The following TRDN variants were observed in gnomAD, a reference collection of about 807,000 sequenced individuals.
TRDN encodes triadin in skeletal muscle.
A neutral mutation model predicts 149.7 loss-of-function variants in TRDN; 161 were observed. That is an observed-to-expected ratio of 1.08 (90% CI 0.95 to 1.23). The LOEUF is 1.23. TRDN is among the 50% of genes most tolerant of loss of function. The pLI is 0.00. For synonymous variants in TRDN, 294 were observed against 250.5 expected (o/e 1.17, Z -1.64); for missense variants, 896 against 823.5 (o/e 1.09, Z -1.08).
At chr6:123,448,982 AG>A (rs1215348341) in intron 10 of TRDN, among the ~76,000 whole-genome samples, 6 of 152,106 alleles carry the variant, frequency 3.9e-5, no homozygotes, top group Non-Finnish European at 8.8e-5. Flanking sequence ...CAATCACTGC[AG>A]TTTGGCTCAC....
At chr6:123,596,823 G>GA (rs1047824428) in intron 1 of TRDN, among the ~76,000 whole-genome samples, 8 of 151,946 alleles carry the variant, frequency 5.3e-5, no homozygotes, top group South Asian at 2.1e-4. Context: ...CTATTACTCA[G>GA]AAAAAATATA....
chr6:123,420,379 C>A (rs1356955658), intron 12 of TRDN, among the ~76,000 whole-genome samples: 5 of 60,794 alleles, frequency 8.2e-5, no homozygotes, highest in African/African-American at 3.8e-4. Context: ...GGCAGAGATG[C>A]AAGGATTTTT....
intron 24 of TRDN, among the ~76,000 whole-genome samples, chr6:123,279,846 T>C (rs1777519608): frequency 6.6e-6 from 1 of 152,170 alleles, no homozygotes; most frequent in Non-Finnish European, 1.5e-5. Context: ...ATATTAATAC[T>C]GCCTTCTTTT....
At chr6:123,584,848 C>T (rs144534839) in intron 1 of TRDN, among the ~76,000 whole-genome samples, 1,794 of 152,120 alleles carry the variant, frequency 0.012, 26 homozygotes, top group African/African-American at 0.033. Flanking sequence ...TTTGGAACCA[C>T]GGGGTGGATA....
chr6:123,426,062 C>T lies in TRDN; in HGVS notation c.1051+12001G>A, dbSNP rs2114557175. ...TAGCAGGTGGGGAAGGCATACTGTG[C>T]ACCAGTGGAAGGATTTTTCATAGAA... On this transcript the variant is annotated intron_variant, in intron 12 of 40. Transcript: ENST00000334268. Among the ~76,000 whole-genome samples, 2 of 152,104 alleles carry T rather than the reference C, an allele frequency of 1.3e-5. 1 individual carries two copies. Among genetic ancestry groups the T allele is most frequent in the East Asian group, 3.9e-4 (2 of 5,162 alleles).
At chr6:123,263,186 G>A (rs972494116) in intron 33 of TRDN, among the ~76,000 whole-genome samples, 5 of 152,054 alleles carry the variant, frequency 3.3e-5, no homozygotes, top group Non-Finnish European at 4.4e-5. Context: ...TGCTAAGAAA[G>A]GGAAACAGCC....
intron 5 of TRDN, chr6:123,529,026 A>G (rs1269762895): frequency 1.5e-6 from 2 of 1,359,532 alleles, no homozygotes; most frequent in Non-Finnish European, 1.9e-6. Flanking sequence ...AGTTTAATAA[A>G]CCTACTCTAC....
At chr6:123,458,735 C>T (rs1157923070) in intron 10 of TRDN, among the ~76,000 whole-genome samples, 1 of 152,042 alleles carries the variant, frequency 6.6e-6, no homozygotes, top group Non-Finnish European at 1.5e-5. Context: ...TCTAAACAGC[C>T]TCAGATTCAT....
intron 4 of TRDN, among the ~76,000 whole-genome samples, chr6:123,534,285 A>G (rs1562370419): frequency 1.3e-5 from 2 of 152,182 alleles, no homozygotes; most frequent in Non-Finnish European, 2.9e-5. Context: ...ACACACACCT[A>G]CATTTATTTG....
chr6:123,571,522 G>T (rs1442719716), intron 1 of TRDN, among the ~76,000 whole-genome samples: 7 of 151,918 alleles, frequency 4.6e-5, no homozygotes, highest in African/African-American at 2.4e-5. Flanking sequence ...TTGTTTGTTT[G>T]TAGGGGCACA....
At chr6:123,331,852 G>A (rs1476046071) in intron 23 of TRDN, 27 bp downstream of exon 23, 3 of 1,462,514 alleles carry the variant, frequency 2.1e-6, no homozygotes, top group East Asian at 2.5e-5. Context: ...GATCAATGTG[G>A]CTTCACATTT....
At chr6:123,440,126 G>A (rs148554477) in intron 10 of TRDN, among the ~76,000 whole-genome samples, 26 of 152,188 alleles carry the variant, frequency 1.7e-4, no homozygotes, top group African/African-American at 6.0e-4. Context: ...CATTCCCATA[G>A]GTATAGAGCT....
At chr6:123,304,237 A>ATTTTC in intron 24 of TRDN, among the ~76,000 whole-genome samples, 2 of 141,574 alleles carry the variant, frequency 1.4e-5, no homozygotes, top group African/African-American at 2.6e-5. Context: ...ATGAATATTA[A>ATTTTC]TTTTCTTTTA....
At chr6:123,277,097 G>T (rs772696621) in intron 26 of TRDN, among the ~76,000 whole-genome samples, 2 of 152,190 alleles carry the variant, frequency 1.3e-5, no homozygotes, top group South Asian at 4.2e-4. Flanking sequence ...CATCCTATAC[G>T]TATCTCATCA....
chr6:123,473,766 C>G (rs112864125), intron 9 of TRDN, among the ~76,000 whole-genome samples: 1 of 151,906 alleles, frequency 6.6e-6, no homozygotes, highest in African/African-American at 2.4e-5. Context: ...CCCTACAAGC[C>G]AGAAGAGAGT....
intron 9 of TRDN, among the ~76,000 whole-genome samples, chr6:123,487,669 G>A (rs554248611): frequency 6.6e-6 from 1 of 152,086 alleles, no homozygotes; most frequent in South Asian, 2.1e-4. Flanking sequence ...CATATACAAC[G>A]TATTATTGTC....
intron 1 of TRDN, among the ~76,000 whole-genome samples, chr6:123,579,096 T>A (rs1291988954): frequency 6.6e-6 from 1 of 152,164 alleles, no homozygotes; most frequent in Admixed American, 6.5e-5. Context: ...CATCTGCAAA[T>A]AGAAATAGTT....
intron 1 of TRDN, among the ~76,000 whole-genome samples, chr6:123,626,894 G>T (rs1410126958): frequency 6.9e-6 from 1 of 145,978 alleles, no homozygotes; most frequent in Non-Finnish European, 1.5e-5. Context: ...CTTATAAAAT[G>T]TTTTTTTTAA....
Position 123,571,110 on chromosome 6 carries a change from A to C in TRDN, c.45T>G (p.Thr15=). The change falls in exon 2 of 41, where the codon ACT becomes ACG. Residue 15 remains threonine, a synonymous_variant. Coordinates refer to ENST00000334268, the MANE Select transcript of TRDN (RefSeq NM_006073.4). ...TAEGNASTTT[T]VIDSKNGSVP... is the part of the protein sequence containing the mutation. ...CAGATCCATTTTTGCTGTCTATCAC[A>C]GTTGTGGTTGTAGATGCATTTCCTA... 6.2e-7 allele frequency: 1 copy of C among 1,613,914 alleles called. No individual in the cohort carries two copies. The highest frequency in any genetic ancestry group is 8.5e-7 in the Non-Finnish European group (1 of 1,179,850).
Sources: gnomAD v4.1 joint callset for allele counts (sites outside exome capture counted in the v4.1 genomes callset) on GRCh38, gnomAD v4.1.1 for gene constraint, MANE v1.5 for transcripts, NCBI Gene and HGNC (gene_info 2026-07-23, HGNC 2026-07-21) for gene names.